Variants in ACSM2A observed in about 807,000 individuals in gnomAD.
ACSM2A encodes the protein acyl-coenzyme A synthetase ACSM2A, mitochondrial.
ACSM2A carries 72 observed loss-of-function variants against 76.6 expected under a neutral mutation model. The ratio of observed to expected loss-of-function variants is 0.94; its 90% CI spans 0.78 to 1.14. ACSM2A has a LOEUF of 1.14. Ranked by LOEUF, ACSM2A falls within the 50% of genes most tolerant of loss-of-function variation. ACSM2A has a pLI of 0.00. For synonymous variants in ACSM2A, 249 were observed against 255.9 expected (o/e 0.97, Z 0.26); for missense variants, 684 against 708.5 (o/e 0.97, Z 0.39).
rs1291635856 is a variant in ACSM2A at position 20,486,883 on chromosome 16, G to A, written c.*205G>A. 4 of 540,490 alleles carry A rather than the reference G, an allele frequency of 7.4e-6. No individual in the cohort carries two copies. Among genetic ancestry groups the A allele is most frequent in the South Asian group, 3.7e-5 (1 of 26,708 alleles). 33.5% of individuals were successfully genotyped at this position (540,490 alleles called of 1,614,324 possible). A position where few individuals can be genotyped will look rare whatever the true frequency, so the allele number is the denominator to read the frequency against. Reference sequence around the variant, plus strand: ...GGAATGAGAGAGAGTGAAAAGGAGAGGGTAACAGAAAAAAAGGAAAGAAAA... The same window carrying A: ...GGAATGAGAGAGAGTGAAAAGGAGAAGGTAACAGAAAAAAAGGAAAGAAAA... On this transcript the variant is annotated 3_prime_UTR_variant, in exon 14 of 14. Transcript: ENST00000573854.
chr16:20,483,569 CAA>C (rs60606533), intron 13 of ACSM2A, among the ~76,000 whole-genome samples: 57 of 32,160 alleles, frequency 1.8e-3, no homozygotes, highest in Middle Eastern at 0.045. Context: ...GACTCTGTCT[CAA>C]AAAAAAAAAA....
At chr16:20,466,197 T>C (rs1328099637) in intron 3 of ACSM2A, among the ~76,000 whole-genome samples, 1 of 152,058 alleles carries the variant, frequency 6.6e-6, no homozygotes, top group African/African-American at 2.4e-5. Context: ...AGAGAGTGTC[T>C]TATCCACAAA....
Position 20,486,990 on chromosome 16 carries a change from G to C in ACSM2A, c.*312G>C, listed in dbSNP as rs1268819695. 4.5e-6 allele frequency: 1 copy of C among 221,454 alleles called. No individual in the cohort carries two copies. Among genetic ancestry groups the C allele is most frequent in the Non-Finnish European group, 8.7e-6 (1 of 114,546 alleles). 13.7% of individuals were successfully genotyped at this position (221,454 alleles called of 1,614,324 possible). A position where few individuals can be genotyped will look rare whatever the true frequency, so the allele number is the denominator to read the frequency against. On this transcript the variant is annotated 3_prime_UTR_variant, in exon 14 of 14. Coordinates refer to ENST00000573854, the MANE Select transcript of ACSM2A (RefSeq NM_001308172.2). ...AGGGAAAGAAGGAGAGAGGAAGCAA[G>C]GGAAGGAGGAAGAAAGGAAAGAGGA... is the stretch of plus-strand genomic sequence containing the variant.
intron 1 of ACSM2A, chr16:20,452,257 G>C (rs2011803694): frequency 6.6e-6 from 1 of 151,826 alleles, no homozygotes; most frequent in African/African-American, 2.4e-5. Flanking sequence ...AATCTGGGTA[G>C]GAACCACCTA....
rs771001825 is a variant in ACSM2A at position 20,486,593 on chromosome 16, T to C, written c.1649T>C (p.Leu550Pro). The C allele has an allele frequency of 8.7e-6, 14 of 1,614,166 alleles. No individual in the cohort carries two copies. Among genetic ancestry groups the C allele is most frequent in the Non-Finnish European group, 1.1e-5 (13 of 1,180,002 alleles). The change falls in exon 14 of 14, where the codon CTG (leucine) becomes CCG (proline). Residue 550 changes from leucine (L) to proline (P), a missense_variant. Around this residue, in one of 3 missense-constraint regions of ACSM2A, gnomAD observed 159 missense variants for 132.5 expected, o/e 1.20. Coordinates refer to ENST00000573854, the MANE Select transcript of ACSM2A (RefSeq NM_001308172.2). The part of the protein sequence containing the change: ...YPRKIEFVLN[L>P]PKTVTGKIQR... ...CAACAGATAGAGTTTGTCTTGAACCTGCCCAAGACTGTCACAGGGAAAATT... is the reference window on the plus strand; with the variant it reads ...CAACAGATAGAGTTTGTCTTGAACCCGCCCAAGACTGTCACAGGGAAAATT...
At chr16:20,462,766 C>T (rs1338120696) in intron 2 of ACSM2A, among the ~76,000 whole-genome samples, 4 of 151,950 alleles carry the variant, frequency 2.6e-5, no homozygotes, top group African/African-American at 7.3e-5. Flanking sequence ...AGCAATATAA[C>T]ATTTTCTCAA....
At chr16:20,477,940 T>G (rs911506807) in intron 9 of ACSM2A, among the ~76,000 whole-genome samples, 2 of 152,216 alleles carry the variant, frequency 1.3e-5, no homozygotes, top group African/African-American at 4.8e-5. Context: ...GAATGTGTAG[T>G]AGCTAAAGTT....
At chr16:20,469,896 T>C (rs991882969) in intron 4 of ACSM2A, among the ~76,000 whole-genome samples, 177 bp downstream of exon 4, 6 of 120,212 alleles carry the variant, frequency 5.0e-5, no homozygotes, top group African/African-American at 9.4e-5. Flanking sequence ...TTTTTTTTTT[T>C]CAAATCATTG....
chr16:20,469,666 A>C lies in ACSM2A; in HGVS notation c.543A>C (p.Leu181=). The C allele has an allele frequency of 6.2e-7, 1 of 1,613,848 alleles. No individual in the cohort carries two copies. The change falls in exon 4 of 14, where the codon CTA becomes CTC. Residue 181 remains leucine (L), a synonymous_variant. Transcript: ENST00000573854. ...ASECPSLRIK[L]LVSEKSCDGW... ...AATGTCCTTCTCTGAGAATTAAGCT[A>C]CTGGTGTCTGAGAAAAGCTGTGATG... is the stretch of plus-strand genomic sequence containing the variant.
chr16:20,479,041 C>A (rs748509513), intron 10 of ACSM2A, among the ~76,000 whole-genome samples: 2 of 152,190 alleles, frequency 1.3e-5, no homozygotes, highest in Non-Finnish European at 2.9e-5. Flanking sequence ...TGCCATTGAT[C>A]TTCTTTAGAG....
chr16:20,471,470 T>G, intron 5 of ACSM2A, 66 bp from the exon 6 acceptor site: 1 of 1,552,314 alleles, frequency 6.4e-7, no homozygotes, highest in Non-Finnish European at 8.8e-7. Flanking sequence ...CCCCTACACC[T>G]TAGTGTCCCA....
intron 1 of ACSM2A, among the ~76,000 whole-genome samples, chr16:20,458,010 C>A (rs12921966): frequency 6.6e-6 from 1 of 151,810 alleles, no homozygotes; most frequent in Non-Finnish European, 1.5e-5. Flanking sequence ...GTAGCTCTGC[C>A]ATACTTTAAT....
chr16:20,467,237 T>C (rs1423206320), intron 3 of ACSM2A, among the ~76,000 whole-genome samples: 5 of 152,136 alleles, frequency 3.3e-5, no homozygotes, highest in East Asian at 1.9e-4. Context: ...AGAATGAACA[T>C]GTAGAGGTGG....
intron 6 of ACSM2A, among the ~76,000 whole-genome samples, chr16:20,473,174 C>CTAAGG (rs2013522160): frequency 6.6e-6 from 1 of 152,142 alleles, no homozygotes; most frequent in South Asian, 2.1e-4. Context: ...AAGGTTCAAG[C>CTAAGG]TAAGGCATAG....
At position 20,460,067 on chromosome 16, in the gene ACSM2A, T is replaced by A. The variant is rs534597122; in HGVS notation, c.-8-40T>A. On this transcript the variant is annotated intron_variant, in intron 1 of 13. Transcript: ENST00000573854. ...TGCTGATGATCAGTAGAGCAATCTG[T>A]TAAAGAAGCTCTCACCTGTGTCTCT... The A allele has an allele frequency of 2.3e-4, 359 of 1,563,198 alleles. 7 individuals are homozygous for A. The South Asian group carries it at 3.8e-3, about 17-fold the overall frequency.
At chr16:20,464,024 A>C (rs1250290597) in intron 2 of ACSM2A, among the ~76,000 whole-genome samples, 1 of 152,194 alleles carries the variant, frequency 6.6e-6, no homozygotes, top group African/African-American at 2.4e-5. Context: ...AACACAATGC[A>C]GCCAAGTTCT....
rs148586908 is a variant in ACSM2A at position 20,458,809 on chromosome 16, A to T, written c.-8-1298A>T. ...TGTATATTACATATATATAATATAT[A>T]TATTATATAAACATAAATATATATA... On this transcript the variant is annotated intron_variant, in intron 1 of 13. Transcript: ENST00000573854. Among the ~76,000 whole-genome samples the T allele has an allele frequency of 2.2e-3, 318 of 142,546 alleles. 1 individual carries two copies. Among genetic ancestry groups the T allele is most frequent in the African/African-American group, 7.6e-3 (300 of 39,514 alleles). The allele number at this position is 142,546 out of a possible 152,430, so 93.5% of individuals were successfully genotyped here.
At chr16:20,466,688 C>T (rs1017324274) in intron 3 of ACSM2A, among the ~76,000 whole-genome samples, 7 of 152,212 alleles carry the variant, frequency 4.6e-5, no homozygotes, top group Non-Finnish European at 1.0e-4. Context: ...CCTCAGAGAT[C>T]ACAGAACTAG....
At chr16:20,486,538 A>C (rs753442938) in intron 13 of ACSM2A, 36 bp from the exon 14 acceptor site, 1 of 1,611,294 alleles carries the variant, frequency 6.2e-7, no homozygotes, top group Non-Finnish European at 8.5e-7. Flanking sequence ...CTGTCGTCAC[A>C]GATCACCCAC....
Sources: gnomAD v4.1 joint callset for allele counts (sites outside exome capture counted in the v4.1 genomes callset) on GRCh38, gnomAD v4.1.1 for gene constraint, gnomAD v4.1.1 regional missense constraint, MANE v1.5 for transcripts, NCBI Gene and HGNC (gene_info 2026-07-23, HGNC 2026-07-21) for gene names.